PERM1: variants seen among roughly 807,000 people sequenced by gnomAD.
PERM1 encodes PPARGC1 and ESRR induced regulator, muscle 1, also known as PGC-1 and ERR-induced regulator in muscle protein 1.
A neutral mutation model predicts 44.1 loss-of-function variants in PERM1; 45 were observed. The ratio of observed to expected loss-of-function variants is 1.02; its 90% CI spans 0.80 to 1.31. The LOEUF is 1.31. PERM1 is among the 50% of genes most tolerant of loss of function. The pLI is 0.00. For synonymous variants in PERM1, 565 were observed against 477.1 expected (o/e 1.18, Z -2.40); for missense variants, 1,189 against 1,106.9 (o/e 1.07, Z -1.05).
At chr1:981,577 C>G (rs905127145), upstream of PERM1, among the ~76,000 whole-genome samples, 2 of 152,254 alleles carry the variant, frequency 1.3e-5, no homozygotes, top group African/African-American at 2.4e-5. Context: ...CAGGGCCCAG[C>G]AGGTGCCCAG....
At chr1:979,382 G>T in exon 1 of PERM1, 3 of 1,507,052 alleles carry the variant, frequency 2.0e-6, no homozygotes, top group Non-Finnish European at 2.7e-6. Flanking sequence ...GGCTGGTGGG[G>T]CCGGGGCCCG....
chr1:978,827 C>T (rs895785508), intron 1 of PERM1, 54 bp downstream of exon 2: 23 of 1,425,828 alleles, frequency 1.6e-5, no homozygotes, highest in Non-Finnish European at 2.0e-5. Context: ...GCCAAGATCC[C>T]TGGACAGTGT....
At chr1:978,077 C>T (rs373744499) in intron 1 of PERM1, among the ~76,000 whole-genome samples, 1 of 47,872 alleles carries the variant, frequency 2.1e-5, no homozygotes, top group East Asian at 6.2e-4. Flanking sequence ...CTGCCTGCCC[C>T]GGGAGCCGCT....
chr1:981,710 G>A (rs1022491242), upstream of PERM1, among the ~76,000 whole-genome samples: 28 of 152,376 alleles, frequency 1.8e-4, no homozygotes, highest in Non-Finnish European at 3.7e-4. Flanking sequence ...TGCAGGCTGC[G>A]GTGGGTCTCT....
At chr1:979,741 G>C in exon 1 of PERM1, 1 of 1,550,342 alleles carries the variant, frequency 6.5e-7, no homozygotes, top group Non-Finnish European at 8.7e-7. Context: ...CTCCGAGACA[G>C]GTGGAGATGA....
chr1:981,121 C>T (rs548070841), upstream of PERM1: 479 of 1,549,300 alleles, frequency 3.1e-4, no homozygotes, highest in Non-Finnish European at 4.1e-4. Flanking sequence ...CACATGCCGC[C>T]CCTGCCCCAC....
At chr1:976,156 GGCCCGGGCCTGGCTCCTAGGAGC>G in exon 3 of PERM1, 2 of 1,545,456 alleles carry the variant, frequency 1.3e-6, no homozygotes, top group South Asian at 1.2e-5. Context: ...GCATCTCCCT[GGCCCGGGCCTGGCTCCTAGGAGC>G]TGGGGCTGGG....
At chr1:975,989 A>C in exon 3 of PERM1, 1 of 601,492 alleles carries the variant, frequency 1.7e-6, no homozygotes, top group Non-Finnish European at 2.8e-6. Flanking sequence ...AGGCGTGGGG[A>C]GTGGCCGTGG....
At chr1:976,320 G>A (rs954072928) in intron 2 of PERM1, 51 bp from the exon 4 acceptor site, 42 of 1,466,916 alleles carry the variant, frequency 2.9e-5, no homozygotes, top group Non-Finnish European at 3.3e-5. Context: ...TGTCGGCACC[G>A]TCTGCCCGCA....
At chr1:978,934 G>A (rs1020206705) in exon 1 of PERM1, 15 of 1,507,774 alleles carry the variant, frequency 9.9e-6, no homozygotes, top group African/African-American at 9.8e-5. Flanking sequence ...CTTGAGGGGG[G>A]TCCCAGGCCC....
chr1:975,533 G>C (rs541634853), exon 3 of PERM1: 1 of 152,520 alleles, frequency 6.6e-6, no homozygotes, highest in Admixed American at 6.5e-5. Context: ...TGCTGCACTG[G>C]GGAGGGGCAG....
At chr1:976,361 G>A in intron 2 of PERM1, 92 bp from the exon 4 acceptor site, 1 of 1,477,944 alleles carries the variant, frequency 6.8e-7, no homozygotes, top group Non-Finnish European at 9.0e-7. Context: ...GGGCAAGGTC[G>A]GTGCGGCCAG....
rs929254108 is a variant in PERM1 at position 979,521 on chromosome 1, T to C, written c.1509A>G (p.Lys503=). 6 of 1,549,930 alleles carry C rather than the reference T, an allele frequency of 3.9e-6. No individual in the cohort carries two copies. In the Admixed American group the frequency reaches 9.8e-5, roughly 25 times the overall value. Residue 503 remains lysine (K), a synonymous_variant, in exon 1 of 3, where the codon AAA becomes AAG. Coordinates refer to ENST00000433179, the Ensembl canonical transcript of PERM1. ...TGGGCCCAGCCACGGAGAAGCGCAC[T>C]TTCTTCTTCCTGGGGACTTGGGTGA...
At chr1:981,635 CTG>C (rs1643794848), upstream of PERM1, among the ~76,000 whole-genome samples, 1 of 152,240 alleles carries the variant, frequency 6.6e-6, no homozygotes, top group Non-Finnish European at 1.5e-5. Flanking sequence ...AGGCTATTCT[CTG>C]AGCTCACCAG....
At chr1:975,557 T>G (rs1643568293) in exon 3 of PERM1, 1 of 152,426 alleles carries the variant, frequency 6.6e-6, no homozygotes, top group African/African-American at 2.4e-5. Flanking sequence ...GAGCCTTCGC[T>G]GTCTCAGGCC....
At chr1:980,406 C>G (rs576998394) in exon 1 of PERM1, 1 of 1,549,842 alleles carries the variant, frequency 6.5e-7, no homozygotes, top group Admixed American at 2.0e-5. Flanking sequence ...CCGCAGGGAG[C>G]AGCGGGGAGC....
At chr1:980,508 T>C in exon 1 of PERM1, 1 of 1,487,222 alleles carries the variant, frequency 6.7e-7, no homozygotes, top group South Asian at 1.4e-5. Flanking sequence ...GTGGTGGGGC[T>C]CCAGGGCTAT....
upstream of PERM1, chr1:982,080 C>T (rs1643802788): frequency 3.9e-6 from 5 of 1,288,054 alleles, no homozygotes; most frequent in South Asian, 3.7e-5. Flanking sequence ...TCCCGGCGGC[C>T]GAGCTGGGCG....
At chr1:978,885 C>G (rs530392317) in exon 1 of PERM1, 2 of 1,485,278 alleles carry the variant, frequency 1.3e-6, no homozygotes, top group East Asian at 5.0e-5. Flanking sequence ...ACGTACCTGC[C>G]CGTCTAAGAG....
Sources: allele counts gnomAD v4.1 joint callset (sites outside exome capture counted in the v4.1 genomes callset), GRCh38; gene constraint gnomAD v4.1.1; transcripts MANE v1.5; gene names NCBI Gene and HGNC (gene_info 2026-07-23, HGNC 2026-07-21).